The following SHISA9 variants were observed in gnomAD, a reference collection of about 807,000 sequenced individuals.
SHISA9 encodes shisa family member 9.
In SHISA9, 13 loss-of-function variants were observed where a neutral mutation model predicts 38.0. The ratio of observed to expected loss-of-function variants is 0.34; its 90% CI spans 0.22 to 0.54. The LOEUF (loss-of-function observed/expected upper bound fraction) is 0.54. Among genes scored for constraint, SHISA9 ranks in the 20% least tolerant of loss-of-function variants. The probability of loss-of-function intolerance (pLI) is 0.91; values close to 1 mark genes in which losing one functional copy is unlikely to be tolerated. For missense variants in SHISA9, 538 were observed against 575.8 expected (o/e 0.93, Z 0.67); for synonymous variants, 275 against 242.0 (o/e 1.14, Z -1.27).
intron 2 of SHISA9, among the ~76,000 whole-genome samples, chr16:13,163,497 G>A (rs1164568817): frequency 6.6e-6 from 1 of 152,026 alleles, no homozygotes; most frequent in African/African-American, 2.4e-5. Context: ...TGTTTCCACT[G>A]TATATAATGT....
At chr16:12,988,745 G>A (rs1790021365) in intron 2 of SHISA9, among the ~76,000 whole-genome samples, 1 of 151,998 alleles carries the variant, frequency 6.6e-6, no homozygotes, top group Non-Finnish European at 1.5e-5. Flanking sequence ...GGCTGATCTC[G>A]AACCCCTGAC....
At chr16:13,296,431 A>G in the SHISA9 span, among the ~76,000 whole-genome samples, 2 of 149,186 alleles carry the variant, frequency 1.3e-5, no homozygotes, top group African/African-American at 5.1e-5. Context: ...CGCAGGGGGG[A>G]AAAAAACAGA....
the SHISA9 span, among the ~76,000 whole-genome samples, chr16:13,316,536 C>T: frequency 6.6e-6 from 1 of 152,080 alleles, no homozygotes; most frequent in African/African-American, 2.4e-5. Flanking sequence ...AACCATCATT[C>T]CTGATATTTT....
intron 2 of SHISA9, among the ~76,000 whole-genome samples, chr16:12,943,056 A>G (rs1334447584): frequency 6.6e-6 from 1 of 151,978 alleles, no homozygotes; most frequent in African/African-American, 2.4e-5. Context: ...GGCTCCAGAG[A>G]AGGAGAGAGC....
chr16:13,113,125 G>A lies in SHISA9; in HGVS notation c.692-90269G>A, dbSNP rs142516269. ...CTCGCAGGGCTGAGGCACGAGAATC[G>A]CTTCAACCCAGAAGGCAGAGGTTGC... On this transcript the variant is annotated intron_variant, in intron 2 of 4. Coordinates refer to ENST00000558583, the MANE Select transcript of SHISA9 (RefSeq NM_001145204.3). Among the ~76,000 whole-genome samples the A allele has an allele frequency of 4.4e-3, 642 of 144,888 alleles. 4 individuals carry two copies. The highest frequency in any genetic ancestry group is 0.015 in the African/African-American group (600 of 39,178).
At chr16:13,546,696 A>G in the SHISA9 span, among the ~76,000 whole-genome samples, 1 of 152,200 alleles carries the variant, frequency 6.6e-6, no homozygotes, top group Non-Finnish European at 1.5e-5. Context: ...CCTGTGGGCC[A>G]AATCCAGCCC....
the SHISA9 span, among the ~76,000 whole-genome samples, chr16:13,365,454 CTTTTTTTTT>C: frequency 8.9e-6 from 1 of 112,522 alleles, no homozygotes; most frequent in Admixed American, 1.0e-4. Flanking sequence ...GAGTATACCT[CTTTTTTTTT>C]TTTTTTTTTT....
chr16:13,347,005 T>C, the SHISA9 span, among the ~76,000 whole-genome samples: 6 of 152,246 alleles, frequency 3.9e-5, no homozygotes, highest in African/African-American at 1.4e-4. Context: ...CATGTGGATC[T>C]CTGGTTTTCT....
chr16:13,172,818 A>G (rs1466147136), intron 2 of SHISA9, among the ~76,000 whole-genome samples: 3 of 151,082 alleles, frequency 2.0e-5, no homozygotes, highest in Non-Finnish European at 4.4e-5. Flanking sequence ...CGGGATTGTA[A>G]TGAACTGGTG....
chr16:13,282,361 T>C, the SHISA9 span, among the ~76,000 whole-genome samples: 1 of 152,038 alleles, frequency 6.6e-6, no homozygotes, highest in Non-Finnish European at 1.5e-5. Context: ...TGACAAAAAG[T>C]CAGTAATATT....
At chr16:13,510,722 C>G in the SHISA9 span, among the ~76,000 whole-genome samples, 1 of 151,916 alleles carries the variant, frequency 6.6e-6, no homozygotes, top group East Asian at 1.9e-4. Flanking sequence ...ATAATTCCAG[C>G]CTATAGAAAT....
chr16:13,243,769 G>GTTTTTTTT (rs34605909), downstream of SHISA9, among the ~76,000 whole-genome samples: 3 of 89,812 alleles, frequency 3.3e-5, no homozygotes, highest in Admixed American at 3.0e-4. Context: ...TTACAGCAGC[G>GTTTTTTTT]TTTTTTTTTT....
chr16:13,159,299 A>G (rs1482677107), intron 2 of SHISA9, among the ~76,000 whole-genome samples: 1 of 152,192 alleles, frequency 6.6e-6, no homozygotes, highest in Non-Finnish European at 1.5e-5. Flanking sequence ...CAGTTACTAG[A>G]AGGTGCTCCA....
chr16:13,484,358 C>T, the SHISA9 span, among the ~76,000 whole-genome samples: 822 of 152,212 alleles, frequency 5.4e-3, 4 homozygotes, highest in African/African-American at 0.019. Flanking sequence ...AGCCTCGGTT[C>T]CCACATCAGC....
At chr16:13,206,112 C>T (rs770050375) in intron 3 of SHISA9, among the ~76,000 whole-genome samples, 1 of 152,076 alleles carries the variant, frequency 6.6e-6, no homozygotes, top group Non-Finnish European at 1.5e-5. Context: ...GGAGTCCTCA[C>T]CTTCCCAGCA....
At chr16:13,453,187 C>T in the SHISA9 span, among the ~76,000 whole-genome samples, 2 of 152,108 alleles carry the variant, frequency 1.3e-5, no homozygotes, top group Admixed American at 1.3e-4. Context: ...CGCGCCCAGC[C>T]TTGTATAGCT....
chr16:13,560,430 T>C, the SHISA9 span, among the ~76,000 whole-genome samples: 1 of 152,172 alleles, frequency 6.6e-6, no homozygotes, highest in African/African-American at 2.4e-5. Context: ...TGAAGAATTT[T>C]CTATCGAAAT....
In SHISA9 at chr16:12,930,832, G is replaced by A. The variant is rs1161281899; in HGVS notation, c.691+14017G>A. ...AAGAAAGTCTTAAAACACAGAGAGA[G>A]GAAGTGATAGGTACAAAGGGAAAAA... On this transcript the variant is annotated intron_variant, in intron 2 of 4. Transcript: ENST00000558583. 4.6e-5 allele frequency among the ~76,000 whole-genome samples: 7 copies of A among 152,008 alleles called. No individual in the cohort carries two copies. In the East Asian group the frequency reaches 1.2e-3, roughly 25 times the overall value.
the SHISA9 span, among the ~76,000 whole-genome samples, chr16:13,359,096 G>GTTCAGTTTTAGATTC: frequency 6.8e-4 from 103 of 151,874 alleles, no homozygotes; most frequent in African/African-American, 2.5e-3. Context: ...GAAGAAGAAT[G>GTTCAGTTTTAGATTC]TCCAGTTTTA....
Sources: allele counts gnomAD v4.1 joint callset (sites outside exome capture counted in the v4.1 genomes callset), GRCh38; gene constraint gnomAD v4.1.1; transcripts MANE v1.5; gene names NCBI Gene and HGNC (gene_info 2026-07-23, HGNC 2026-07-21).